Variants in ALK observed in about 807,000 individuals in gnomAD.
ALK encodes ALK tyrosine kinase receptor.
In ALK, 74 loss-of-function variants were observed where a neutral mutation model predicts 163.1. That is an observed-to-expected ratio of 0.45 (90% CI 0.38 to 0.55). The LOEUF (loss-of-function observed/expected upper bound fraction) is 0.55, where lower values mean the gene tolerates loss of function less well. ALK is among the 20% of genes least tolerant of loss of function. The probability of loss-of-function intolerance (pLI) is 0.00; values close to 1 mark genes in which losing one functional copy is unlikely to be tolerated. For synonymous variants in ALK, 960 were observed against 843.2 expected, an observed-to-expected ratio of 1.14 and a Z score of -2.40; for missense variants, 2,063 against 2,105.3, an observed-to-expected ratio of 0.98 and a Z score of 0.39.
chr2:29,890,072 G>A (rs748010480), intron 1 of ALK, among the ~76,000 whole-genome samples: 4 of 152,192 alleles, frequency 2.6e-5, no homozygotes, highest in Non-Finnish European at 5.9e-5. Flanking sequence ...CTGCAAGTAG[G>A]AGAGAGACAA....
chr2:29,388,977 C>T (rs929974975), intron 4 of ALK, among the ~76,000 whole-genome samples: 2 of 152,218 alleles, frequency 1.3e-5, no homozygotes, highest in Admixed American at 6.5e-5. Flanking sequence ...CAAAGGCCTC[C>T]ATCTCACTTA....
intron 4 of ALK, among the ~76,000 whole-genome samples, chr2:29,428,938 G>C (rs116296333): frequency 0.01 from 1,587 of 152,026 alleles, 14 homozygotes; most frequent in African/African-American, 0.037. Flanking sequence ...TTTATTACAA[G>C]ATTGACTTAA....
chr2:29,844,817 A>G (rs1166040230), intron 1 of ALK, among the ~76,000 whole-genome samples: 1 of 151,778 alleles, frequency 6.6e-6, no homozygotes, highest in Non-Finnish European at 1.5e-5. Flanking sequence ...AGCAGCAGAG[A>G]TGAGCTGAGA....
intron 6 of ALK, among the ~76,000 whole-genome samples, chr2:29,322,802 C>T (rs1352745214): frequency 6.6e-6 from 1 of 152,182 alleles, no homozygotes; most frequent in Non-Finnish European, 1.5e-5. Context: ...CCACTGCACT[C>T]CAGCCTGGGC....
chr2:29,259,436 T>A (rs991157750), intron 11 of ALK, among the ~76,000 whole-genome samples: 2 of 152,150 alleles, frequency 1.3e-5, no homozygotes, highest in African/African-American at 4.8e-5. Flanking sequence ...TATGTTGCTA[T>A]TTCTGTAGTC....
intron 4 of ALK, among the ~76,000 whole-genome samples, chr2:29,430,409 T>A (rs1670244827): frequency 2.0e-5 from 3 of 152,188 alleles, no homozygotes. Context: ...ATAGGGAAAC[T>A]TTTTCTGTAA....
chr2:29,436,721 T>C (rs1670409749), intron 4 of ALK, among the ~76,000 whole-genome samples: 1 of 152,228 alleles, frequency 6.6e-6, no homozygotes, highest in African/African-American at 2.4e-5. Flanking sequence ...GTGACCACAA[T>C]TCAATTTCCA....
At chr2:29,226,858 T>C (rs1400823284) in intron 18 of ALK, 64 bp downstream of exon 18, 8 of 1,602,106 alleles carry the variant, frequency 5.0e-6, no homozygotes, top group African/African-American at 1.3e-5. Flanking sequence ...CAGAAACCAT[T>C]TGTGGTCATG....
chr2:29,263,541 G>A (rs1665140153), intron 11 of ALK, among the ~76,000 whole-genome samples: 1 of 152,158 alleles, frequency 6.6e-6, no homozygotes, highest in African/African-American at 2.4e-5. Context: ...AGACGCATAT[G>A]AGAAGATATG....
intron 3 of ALK, among the ~76,000 whole-genome samples, chr2:29,689,966 G>A (rs1041288476): frequency 2.6e-5 from 4 of 152,176 alleles, no homozygotes; most frequent in Admixed American, 6.5e-5. Flanking sequence ...CAGAGCCTCC[G>A]GGAGGTACTA....
chr2:29,465,194 A>G lies in ALK; in HGVS notation c.1154+66721T>C, dbSNP rs546372002. Reference sequence around the variant, plus strand: ...AAGGTACCTAAACAAAAAGAGATACAATATATGCAGAGACCAAATATAAGA... The same window carrying G: ...AAGGTACCTAAACAAAAAGAGATACGATATATGCAGAGACCAAATATAAGA... On this transcript the variant is annotated intron_variant, in intron 4 of 28. Transcript: ENST00000389048. Among the ~76,000 whole-genome samples, 79 of 152,354 alleles carry G rather than the reference A, an allele frequency of 5.2e-4. 1 individual carries two copies. Among genetic ancestry groups the G allele is most frequent in the African/African-American group, 1.9e-3 (78 of 41,588 alleles).
At chr2:29,396,845 T>TTTGTTTTTTG (rs1553311007) in intron 4 of ALK, among the ~76,000 whole-genome samples, 3 of 133,646 alleles carry the variant, frequency 2.2e-5, no homozygotes, top group African/African-American at 8.5e-5. Flanking sequence ...GGTTTTTTTT[T>TTTGTTTTTTG]TTTTTTTTTT....
At chr2:29,715,436 T>C (rs568066894) in intron 2 of ALK, among the ~76,000 whole-genome samples, 2 of 152,298 alleles carry the variant, frequency 1.3e-5, no homozygotes, top group South Asian at 2.1e-4. Flanking sequence ...TAAGGTGGCA[T>C]GCCATTTCAC....
chr2:29,263,183 C>G (rs76991553), intron 11 of ALK, among the ~76,000 whole-genome samples: 4,419 of 152,326 alleles, frequency 0.029, 112 homozygotes, highest in Non-Finnish European at 0.043. Flanking sequence ...GGACTTCTGC[C>G]TTGTCCATTC....
chr2:29,470,806 G>T (rs895913149), intron 4 of ALK, among the ~76,000 whole-genome samples: 4 of 151,944 alleles, frequency 2.6e-5, no homozygotes, highest in Admixed American at 6.5e-5. Context: ...AAAGAGCAAT[G>T]GCAAGGGAAA....
intron 1 of ALK, 140 bp downstream of exon 1, chr2:29,919,853 G>T: frequency 9.4e-7 from 1 of 1,058,640 alleles, no homozygotes; most frequent in Non-Finnish European, 1.4e-6. Flanking sequence ...ATTCGGGAAG[G>T]AGGTTTGCGG....
At chr2:29,793,456 A>T (rs181794676) in intron 1 of ALK, among the ~76,000 whole-genome samples, 43 of 152,320 alleles carry the variant, frequency 2.8e-4, no homozygotes, top group Non-Finnish European at 5.0e-4. Context: ...TCTAAATGGC[A>T]TCTAGAGTAG....
chr2:29,360,733 G>A (rs1013466909), intron 5 of ALK, among the ~76,000 whole-genome samples: 11 of 152,158 alleles, frequency 7.2e-5, no homozygotes, highest in African/African-American at 2.7e-4. Context: ...AAAAATAAAA[G>A]CCCACAGACA....
At chr2:29,217,062 T>C (rs1669643482) in intron 23 of ALK, among the ~76,000 whole-genome samples, 1 of 142,032 alleles carries the variant, frequency 7.0e-6, no homozygotes, top group African/African-American at 2.6e-5. Context: ...GTGTGTTGTA[T>C]GTGTATGTGT....
Sources: gnomAD v4.1 joint callset for allele counts (sites outside exome capture counted in the v4.1 genomes callset) on GRCh38, gnomAD v4.1.1 for gene constraint, MANE v1.5 for transcripts, NCBI Gene and HGNC (gene_info 2026-07-23, HGNC 2026-07-21) for gene names.